Variants in GSDMC observed in about 807,000 individuals in gnomAD.
GSDMC encodes gasdermin C, also known as gasdermin-C.
Under a neutral mutation model 58.0 loss-of-function variants are expected in GSDMC, and 59 were observed. The ratio of observed to expected loss-of-function variants is 1.02; its 90% confidence interval spans 0.82 to 1.26. The LOEUF is 1.26. Among genes scored for constraint, GSDMC ranks in the 50% most tolerant of loss-of-function variants. GSDMC has a pLI of 0.00. For synonymous variants in GSDMC, 241 were observed against 220.2 expected (o/e 1.09, Z -0.83); for missense variants, 659 against 598.5 (o/e 1.10, Z -1.06).
the GSDMC span, among the ~76,000 whole-genome samples, chr8:129,709,518 T>C: frequency 7.3e-5 from 11 of 151,276 alleles, no homozygotes; most frequent in African/African-American, 2.4e-4. Flanking sequence ...AGATGATAGA[T>C]GATAGGCAGA....
chr8:129,784,669 A>G (rs1295567075), intron 1 of GSDMC, among the ~76,000 whole-genome samples: 2 of 152,236 alleles, frequency 1.3e-5, no homozygotes, highest in Non-Finnish European at 2.9e-5. Flanking sequence ...TACAGCCACT[A>G]TGGAGAACAG....
intron 4 of GSDMC, among the ~76,000 whole-genome samples, chr8:129,764,686 C>T (rs73712950): frequency 0.021 from 3,214 of 152,294 alleles, 104 homozygotes; most frequent in African/African-American, 0.071. Context: ...GATTATTACA[C>T]ATCGTATGGC....
rs2033019099 is a variant in GSDMC at position 129,748,333 on chromosome 8, A to C, written c.*168T>G. The C allele has an allele frequency of 3.5e-6, 2 of 564,446 alleles. No individual in the cohort carries two copies. The allele number at this position is 564,446 out of a possible 1,614,324, so 35.0% of individuals were successfully genotyped here. On this transcript the variant is annotated 3_prime_UTR_variant, in exon 14 of 14. Transcript: ENST00000276708. ...TATATAAACTCTTGTCAATATATAG[A>C]GTATTCCACCACCCCAAAACATTTC...
chr8:129,724,670 T>C, the GSDMC span, among the ~76,000 whole-genome samples: 1 of 151,964 alleles, frequency 6.6e-6, no homozygotes. Flanking sequence ...GAAACAGAAG[T>C]AGAATTCTTC....
the GSDMC span, among the ~76,000 whole-genome samples, chr8:129,709,590 T>TAGATA: frequency 2.7e-5 from 4 of 146,022 alleles, no homozygotes; most frequent in Non-Finnish European, 4.5e-5. Flanking sequence ...GATAGATAGA[T>TAGATA]GATAGATAGA....
chr8:129,783,346 G>A (rs115236276), intron 1 of GSDMC, among the ~76,000 whole-genome samples: 2,167 of 152,128 alleles, frequency 0.014, 61 homozygotes, highest in African/African-American at 0.049. Context: ...GGAACAAACT[G>A]AAGATTCCAA....
intron 9 of GSDMC, 106 bp downstream of exon 9, chr8:129,751,756 G>A (rs1343159464): frequency 5.6e-6 from 7 of 1,248,930 alleles, no homozygotes; most frequent in Non-Finnish European, 8.2e-6. Context: ...CAAACGCCAG[G>A]CCCTAGGGCG....
chr8:129,751,528 T>C lies in GSDMC; in HGVS notation c.943+14A>G. The C allele has an allele frequency of 1.9e-6, 3 of 1,609,402 alleles. No homozygotes were observed. Among genetic ancestry groups the C allele is most frequent in the Non-Finnish European group, 1.7e-6 (2 of 1,176,598 alleles). On this transcript the variant is annotated intron_variant, in intron 10 of 13. Coordinates refer to ENST00000276708, the MANE Select transcript of GSDMC (RefSeq NM_031415.3). ...CACCCAGAAGCCCCAGGTTCCCCCT[T>C]AATAAATACTTACTTTGCCAGAAGG...
the GSDMC span, among the ~76,000 whole-genome samples, chr8:129,725,334 C>G: frequency 6.6e-6 from 1 of 152,142 alleles, no homozygotes; most frequent in Non-Finnish European, 1.5e-5. Flanking sequence ...TACCTGTATT[C>G]AAATCAAAGA....
Position 129,748,573 on chromosome 8 carries a change from A to G in GSDMC, c.1455T>C (p.Asp485=), listed in dbSNP as rs919279559. Residue 485 remains aspartate, a synonymous_variant, in exon 14 of 14, where the codon GAT becomes GAC. Coordinates refer to ENST00000276708, the MANE Select transcript of GSDMC (RefSeq NM_031415.3). ...MELDNPRSTW[D]VEAKMPLSAL... ...CAGACAGGGGCATCTTTGCTTCTACATCCCAGGTTGACCTGGGGTTATCCA... is the reference window on the plus strand; with the variant it reads ...CAGACAGGGGCATCTTTGCTTCTACGTCCCAGGTTGACCTGGGGTTATCCA... 6.2e-7 allele frequency: 1 copy of G among 1,613,638 alleles called. No individual in the cohort carries two copies. Among genetic ancestry groups the G allele is most frequent in the African/African-American group, 1.3e-5 (1 of 74,896 alleles).
rs1363439926 is a variant in GSDMC, at chr8:129,748,560, T to C, written c.1468A>G (p.Met490Val). 1.9e-6 allele frequency: 3 copies of C among 1,613,846 alleles called. No individual in the cohort carries two copies. ...GTCCCATAGAGGGCAGACAGGGGCA[T>C]CTTTGCTTCTACATCCCAGGTTGAC... ...PRSTWDVEAKMPLSALYGTLS... is the reference protein window; with the variant it reads ...PRSTWDVEAKVPLSALYGTLS... The change falls in exon 14 of 14, where the codon ATG becomes GTG. Residue 490 changes from methionine to valine, a missense_variant. Physicochemically the swap from Met to Val is conservative, Grantham distance 21. Transcript: ENST00000276708.
the GSDMC span, among the ~76,000 whole-genome samples, chr8:129,740,476 C>G: frequency 6.6e-6 from 1 of 152,122 alleles, no homozygotes; most frequent in African/African-American, 2.4e-5. Flanking sequence ...ACCTTTACTA[C>G]TTCAGATTTG....
the GSDMC span, chr8:129,728,907 G>A: frequency 1.5e-6 from 1 of 662,070 alleles, no homozygotes; most frequent in Non-Finnish European, 2.9e-6. Context: ...GGCAGGGTCT[G>A]AAGCCCATTT....
intron 6 of GSDMC, among the ~76,000 whole-genome samples, chr8:129,754,658 T>G (rs2033357712): frequency 1.3e-5 from 2 of 152,200 alleles, no homozygotes; most frequent in African/African-American, 4.8e-5. Flanking sequence ...ACATGTGATC[T>G]TTCAGATGAA....
At chr8:129,728,574 C>G in the GSDMC span, among the ~76,000 whole-genome samples, 1 of 152,228 alleles carries the variant, frequency 6.6e-6, no homozygotes, top group Non-Finnish European at 1.5e-5. Flanking sequence ...CACCTCCCCC[C>G]AGGGGCTAAG....
chr8:129,749,436 C>A lies in GSDMC; in HGVS notation c.1287+16G>T. The A allele has an allele frequency of 6.3e-7, 1 of 1,576,006 alleles. No individual in the cohort carries two copies. Among genetic ancestry groups the A allele is most frequent in the Non-Finnish European group, 8.7e-7 (1 of 1,145,220 alleles). ...CACCCTCTTCCCTGAACTTCTGGCC[C>A]CTGGGAAGTTCTCACCAGCTCCTGT... On this transcript the variant is annotated intron_variant, in intron 13 of 13. Transcript: ENST00000276708.
intron 1 of GSDMC, among the ~76,000 whole-genome samples, chr8:129,777,819 C>T (rs1037816648): frequency 6.6e-6 from 1 of 152,070 alleles, no homozygotes; most frequent in East Asian, 1.9e-4. Flanking sequence ...CTCTTGGGCT[C>T]AAGTGATTCT....
chr8:129,782,050 T>C (rs79717524), intron 1 of GSDMC, among the ~76,000 whole-genome samples: 2,951 of 152,142 alleles, frequency 0.019, 86 homozygotes, highest in African/African-American at 0.065. Flanking sequence ...AAACTATAAA[T>C]CAATAACGAG....
At chr8:129,758,456 A>G (rs535217572) in intron 6 of GSDMC, among the ~76,000 whole-genome samples, 2 of 152,334 alleles carry the variant, frequency 1.3e-5, no homozygotes, top group East Asian at 3.9e-4. Flanking sequence ...ATGATCTTAT[A>G]TTTGGAAAAA....
Sources: gnomAD v4.1 joint callset for allele counts (sites outside exome capture counted in the v4.1 genomes callset) on GRCh38, gnomAD v4.1.1 for gene constraint, MANE v1.5 for transcripts, NCBI Gene and HGNC (gene_info 2026-07-23, HGNC 2026-07-21) for gene names.